SEC22C: variants seen among roughly 807,000 people sequenced by gnomAD.
SEC22C encodes SEC22 homolog C, vesicle trafficking protein.
Under a neutral mutation model 34.7 loss-of-function variants are expected in SEC22C, and 29 were observed. The observed-to-expected ratio is 0.84, with a 90% CI of 0.62 to 1.14. The LOEUF (loss-of-function observed/expected upper bound fraction) is 1.14, where lower values mean the gene tolerates loss of function less well. SEC22C is among the 50% of genes most tolerant of loss of function. SEC22C has a pLI of 0.00. For synonymous variants in SEC22C, 117 were observed against 132.8 expected, an observed-to-expected ratio of 0.88 and a Z score of 0.82; for missense variants, 337 against 369.0, an observed-to-expected ratio of 0.91 and a Z score of 0.71.
At chr3:42,591,614 AC>A in intron 1 of SEC22C, 5 of 1,599,354 alleles carry the variant, frequency 3.1e-6, no homozygotes, top group African/African-American at 2.7e-5. Context: ...AAGTACCCCC[AC>A]CCCCGCGCCC....
In SEC22C at chr3:42,548,016, T is replaced by C. The variant is rs1196541250; in HGVS notation, c.*5232A>G. Reference sequence around the variant, plus strand: ...TCTGCCATTTCTGAAGCCACCTCATTTAATTTATACATAGGATATAAATGG... The same window carrying C: ...TCTGCCATTTCTGAAGCCACCTCATCTAATTTATACATAGGATATAAATGG... On this transcript the variant is annotated 3_prime_UTR_variant, in exon 7 of 7. Coordinates refer to ENST00000264454, the MANE Select transcript of SEC22C (RefSeq NM_032970.4). 1 of 152,336 alleles carries C rather than the reference T, an allele frequency of 6.6e-6. No homozygotes were observed. Among genetic ancestry groups the C allele is most frequent in the African/African-American group, 2.4e-5 (1 of 41,458 alleles). 9.4% of individuals were successfully genotyped at this position (152,336 alleles called of 1,614,324 possible).
chr3:42,562,004 G>A (rs1179921615), intron 3 of SEC22C, among the ~76,000 whole-genome samples: 1 of 151,560 alleles, frequency 6.6e-6, no homozygotes, highest in Non-Finnish European at 1.5e-5. Context: ...AAAAAAAAAG[G>A]GCTTGTTTGA....
intron 1 of SEC22C, among the ~76,000 whole-genome samples, chr3:42,575,553 A>G (rs192643484): frequency 2.0e-5 from 3 of 152,388 alleles, no homozygotes; most frequent in African/African-American, 7.2e-5. Flanking sequence ...TGATAAAAGA[A>G]TAAGTCCACT....
At chr3:42,584,547 C>T (rs954304875), upstream of SEC22C, among the ~76,000 whole-genome samples, 5 of 152,322 alleles carry the variant, frequency 3.3e-5, no homozygotes, top group East Asian at 1.9e-4. Flanking sequence ...TGAGCCACCA[C>T]GCCTAGCCGG....
At chr3:42,593,844 A>G (rs1704944646) in intron 1 of SEC22C, among the ~76,000 whole-genome samples, 1 of 152,186 alleles carries the variant, frequency 6.6e-6, no homozygotes, top group Non-Finnish European at 1.5e-5. Flanking sequence ...ATGCAGTAGT[A>G]AGGCATAGTG....
chr3:42,576,150 C>T (rs1349890080), intron 1 of SEC22C, among the ~76,000 whole-genome samples: 1 of 151,892 alleles, frequency 6.6e-6, no homozygotes, highest in Non-Finnish European at 1.5e-5. Context: ...TAAAAAAATA[C>T]ATTGAACTAG....
At chr3:42,576,639 T>C (rs576927616) in intron 1 of SEC22C, among the ~76,000 whole-genome samples, 4 of 151,978 alleles carry the variant, frequency 2.6e-5, no homozygotes, top group Admixed American at 6.6e-5. Context: ...GCTAAATAAA[T>C]GGGGAGATAT....
chr3:42,585,540 C>T (rs1454906623), upstream of SEC22C, among the ~76,000 whole-genome samples: 2 of 152,192 alleles, frequency 1.3e-5, no homozygotes, highest in Non-Finnish European at 2.9e-5. Context: ...TCATTTGTCC[C>T]TCTACTTTGT....
chr3:42,595,349 C>T (rs1051219617), intron 1 of SEC22C, among the ~76,000 whole-genome samples: 2 of 152,168 alleles, frequency 1.3e-5, no homozygotes, highest in African/African-American at 4.8e-5. Flanking sequence ...TCGTGTTCTA[C>T]ATACAGTTGT....
chr3:42,578,137 C>T (rs1447942652), intron 1 of SEC22C, among the ~76,000 whole-genome samples: 1 of 152,176 alleles, frequency 6.6e-6, no homozygotes, highest in African/African-American at 2.4e-5. Flanking sequence ...TTATTTATAA[C>T]AACCAAACCT....
chr3:42,594,622 C>A, intron 1 of SEC22C: 1 of 862,826 alleles, frequency 1.2e-6, no homozygotes, highest in Non-Finnish European at 1.8e-6. Flanking sequence ...CTGGTTAAAA[C>A]ATGAATGAAA....
chr3:42,566,831 T>C, intron 2 of SEC22C: 2 of 428,296 alleles, frequency 4.7e-6, no homozygotes, highest in South Asian at 1.7e-5. Flanking sequence ...TGGCAAGACC[T>C]TGTCTCTAAA....
At chr3:42,589,555 G>C (rs1415779529) in intron 1 of SEC22C, among the ~76,000 whole-genome samples, 1 of 152,216 alleles carries the variant, frequency 6.6e-6, no homozygotes, top group East Asian at 1.9e-4. Context: ...GAGGTGAGCA[G>C]AGGGCGGATA....
intron 1 of SEC22C, among the ~76,000 whole-genome samples, chr3:42,589,508 C>T (rs908456539): frequency 1.3e-5 from 2 of 152,174 alleles, no homozygotes; most frequent in African/African-American, 4.8e-5. Context: ...ACATCCACCA[C>T]GGATGGCTAG....
At position 42,552,522 on chromosome 3, in the gene SEC22C, A is replaced by G. The variant is rs1224068177; in HGVS notation, c.*726T>C. ...ACTGGTTATTCAATTAATTTTTAAA[A>G]TATTCGGATATACCCTGCAAATAAA... is the stretch of plus-strand genomic sequence containing the variant. On this transcript the variant is annotated 3_prime_UTR_variant, in exon 7 of 7. Transcript: ENST00000264454. 2 of 981,984 alleles carry G rather than the reference A, an allele frequency of 2.0e-6. No individual in the cohort carries two copies. The highest frequency in any genetic ancestry group is 3.5e-5 in the African/African-American group (2 of 57,108). The allele number at this position is 981,984 out of a possible 1,614,324, so 60.8% of individuals were successfully genotyped here.
chr3:42,556,204 C>T (rs1702517695), intron 5 of SEC22C, among the ~76,000 whole-genome samples: 2 of 152,202 alleles, frequency 1.3e-5, no homozygotes. Context: ...CCTCCTGTCC[C>T]CATGTGACTG....
At chr3:42,591,002 G>C in intron 1 of SEC22C, 1 of 1,555,978 alleles carries the variant, frequency 6.4e-7, no homozygotes, top group South Asian at 1.2e-5. Context: ...CGGGCGGAGA[G>C]AAGTCGGGAT....
Position 42,548,953 on chromosome 3 carries a change from G to GC in SEC22C, c.*4294dup. On this transcript the variant is annotated 3_prime_UTR_variant, in exon 7 of 7. Transcript: ENST00000264454. ...TTTTGACCCTCATAACAGCACCCTG[G>GC]CGGGGGGGCAGATTGATGTTATCAC... 8.5e-7 allele frequency: 1 copy of GC among 1,179,722 alleles called. No homozygotes were observed. The allele number at this position is 1,179,722 out of a possible 1,614,324, so 73.1% of individuals were successfully genotyped here.
rs1204714621 is a variant in SEC22C, at chr3:42,599,179, A to C, written c.-28+1781T>G. 1.4e-3 allele frequency among the ~76,000 whole-genome samples: 211 copies of C among 150,388 alleles called. 1 individual carries two copies. Among genetic ancestry groups the C allele is most frequent in the African/African-American group, 5.0e-3 (202 of 40,750 alleles). The stretch of plus-strand genomic sequence containing the variant: ...AAAGGGTTTCACCGTGTTAGCCAGG[A>C]TGGTCTCGATCTCCTGACCTCGTGA... On this transcript the variant is annotated intron_variant, in intron 1 of 6. Transcript: ENST00000417572.
Sources: allele counts gnomAD v4.1 joint callset (sites outside exome capture counted in the v4.1 genomes callset), GRCh38; gene constraint gnomAD v4.1.1; transcripts MANE v1.5; gene names NCBI Gene and HGNC (gene_info 2026-07-23, HGNC 2026-07-21).